Variants in DRC11L observed in about 807,000 individuals in gnomAD.
The protein encoded by DRC11L is dynein regulatory complex subunit 11 like.
chr7:151,198,651 T>C, the DRC11L span: 3 of 395,276 alleles, frequency 7.6e-6, no homozygotes, highest in Non-Finnish European at 1.3e-5. Flanking sequence ...GGGTCAGCAG[T>C]GTGTTGGGGA....
At chr7:151,198,792 A>C in the DRC11L span, 1 of 399,112 alleles carries the variant, frequency 2.5e-6, no homozygotes. Flanking sequence ...AGCTGAGGAC[A>C]CTGACTGGCA....
chr7:151,198,890 C>G, the DRC11L span: 1 of 399,030 alleles, frequency 2.5e-6, no homozygotes, highest in Non-Finnish European at 4.4e-6. Flanking sequence ...GGGCCTTCAC[C>G]ATTGCTGCCC....
the DRC11L span, among the ~76,000 whole-genome samples, chr7:151,202,071 C>T: frequency 1.3e-5 from 2 of 152,118 alleles, no homozygotes; most frequent in Admixed American, 6.5e-5. Flanking sequence ...GCTCGGGGAA[C>T]CTTAGGGCAG....
chr7:151,202,814 C>T, the DRC11L span: 1 of 398,490 alleles, frequency 2.5e-6, no homozygotes. Flanking sequence ...TCTACAGAAT[C>T]CAAGCACTTG....
At chr7:151,191,770 G>A in the DRC11L span, 1 of 399,062 alleles carries the variant, frequency 2.5e-6, no homozygotes, top group Non-Finnish European at 4.4e-6. Context: ...GGATGGCTTG[G>A]AGAATGTGAC....
the DRC11L span, chr7:151,192,823 G>A: frequency 1.3e-5 from 5 of 399,016 alleles, no homozygotes; most frequent in East Asian, 3.6e-5. Flanking sequence ...TGTAGGAGTC[G>A]GGCTACCTGG....
At chr7:151,192,797 C>G in the DRC11L span, 1 of 398,994 alleles carries the variant, frequency 2.5e-6, no homozygotes, top group South Asian at 1.3e-4. Flanking sequence ...CATTTCCAAT[C>G]CAAATCACAG....
the DRC11L span, among the ~76,000 whole-genome samples, chr7:151,199,561 C>A: frequency 6.6e-6 from 1 of 152,094 alleles, no homozygotes; most frequent in Non-Finnish European, 1.5e-5. The surrounding 1 kb of genome is among the most constrained non-coding windows in gnomAD (Gnocchi z 5.2). Flanking sequence ...AGCCCTCTGG[C>A]CCCCCAACAA....
chr7:151,197,781 C>T, the DRC11L span: 5 of 398,392 alleles, frequency 1.3e-5, no homozygotes, highest in East Asian at 1.1e-4. Flanking sequence ...TCAGGCTCCA[C>T]CTGCCACAAA....
At chr7:151,196,801 G>A in the DRC11L span, among the ~76,000 whole-genome samples, 4 of 152,170 alleles carry the variant, frequency 2.6e-5, no homozygotes, top group East Asian at 1.9e-4. Flanking sequence ...AATCTGTAAC[G>A]CCCCCACCCG....
the DRC11L span, among the ~76,000 whole-genome samples, chr7:151,198,492 T>A: frequency 6.6e-6 from 1 of 152,018 alleles, no homozygotes; most frequent in African/African-American, 2.4e-5. Context: ...GAGAAATGGA[T>A]TGTTACAAAC....
the DRC11L span, among the ~76,000 whole-genome samples, chr7:151,201,859 T>C: frequency 6.6e-6 from 1 of 152,196 alleles, no homozygotes; most frequent in Non-Finnish European, 1.5e-5. This position sits in a 1 kb window ranked among gnomAD's most constrained non-coding sequence, Gnocchi z 4.1. Context: ...GTTCCTGCAC[T>C]GGAATTTTCC....
chr7:151,194,969 T>C, the DRC11L span, among the ~76,000 whole-genome samples: 3 of 152,294 alleles, frequency 2.0e-5, no homozygotes, highest in African/African-American at 7.2e-5. Context: ...ACGTGAGTGC[T>C]CCTGGGAGAG....
At chr7:151,193,386 T>C in the DRC11L span, 2 of 399,530 alleles carry the variant, frequency 5.0e-6, no homozygotes, top group Non-Finnish European at 8.8e-6. Context: ...TTGGCGCCAG[T>C]TTCTGTGCAC....
chr7:151,199,051 A>G, the DRC11L span: 1 of 398,688 alleles, frequency 2.5e-6, no homozygotes, highest in African/African-American at 2.1e-5. This position sits in a 1 kb window ranked among gnomAD's most constrained non-coding sequence, Gnocchi z 5.2. Flanking sequence ...GGGAGGAACC[A>G]GCAACCAGTC....
the DRC11L span, among the ~76,000 whole-genome samples, chr7:151,196,163 C>T: frequency 6.6e-6 from 1 of 152,290 alleles, no homozygotes; most frequent in African/African-American, 2.4e-5. Context: ...TGGCTCCGAG[C>T]CCCTCCCATA....
chr7:151,203,198 A>G, the DRC11L span: 1 of 398,254 alleles, frequency 2.5e-6, no homozygotes, highest in Admixed American at 4.4e-5. Context: ...CCAGGACACC[A>G]TCCTCCCAGA....
chr7:151,199,325 C>T, the DRC11L span, among the ~76,000 whole-genome samples: 12 of 152,172 alleles, frequency 7.9e-5, no homozygotes, highest in African/African-American at 2.2e-4. This position sits in a 1 kb window ranked among gnomAD's most constrained non-coding sequence, Gnocchi z 5.2. Flanking sequence ...ACCCCCGCCC[C>T]GCGGCCGAGT....
chr7:151,201,905 A>G, the DRC11L span, among the ~76,000 whole-genome samples: 5 of 152,170 alleles, frequency 3.3e-5, no homozygotes, highest in Non-Finnish European at 5.9e-5. This position sits in a 1 kb window ranked among gnomAD's most constrained non-coding sequence, Gnocchi z 4.1. Context: ...GCTGTTAACC[A>G]CTACTACCAG....
Sources: allele counts gnomAD v4.1 joint callset (sites outside exome capture counted in the v4.1 genomes callset), GRCh38; gene constraint gnomAD v4.1.1; non-coding constraint Gnocchi (gnomAD v3.1); transcripts MANE v1.5; gene names NCBI Gene and HGNC (gene_info 2026-07-23, HGNC 2026-07-21).